BCL7A: variants seen among roughly 807,000 people sequenced by gnomAD.
The protein encoded by BCL7A is BAF chromatin remodeling complex subunit BCL7A.
Under a neutral mutation model 28.4 loss-of-function variants are expected in BCL7A, and 11 were observed. That is an observed-to-expected ratio of 0.39 (90% confidence interval 0.24 to 0.64). BCL7A has a LOEUF of 0.64. Ranked by LOEUF, BCL7A falls within the 30% of genes least tolerant of loss-of-function variation. BCL7A has a pLI of 0.50. For missense variants in BCL7A, 222 were observed against 274.8 expected (o/e 0.81, Z 1.36); for synonymous variants, 123 against 103.3 (o/e 1.19, Z -1.15).
At position 122,037,254 on chromosome 12, in the gene BCL7A, C is replaced by A. The variant is rs80342023; in HGVS notation, c.271+1827C>A. On this transcript the variant is annotated intron_variant, in intron 3 of 5. Transcript: ENST00000261822. ...CTGCTAGGACAAGAGCCTGCAACCC[C>A]TGCCTTTTTCTATCTCTTGACCCCA... 2.8e-4 allele frequency among the ~76,000 whole-genome samples: 42 copies of A among 152,356 alleles called. No homozygotes were observed. In the East Asian group the frequency reaches 8.1e-3, roughly 29 times the overall value.
At chr12:122,049,140 T>C (rs1397243992) in intron 4 of BCL7A, among the ~76,000 whole-genome samples, 1 of 147,058 alleles carries the variant, frequency 6.8e-6, no homozygotes, top group Non-Finnish European at 1.5e-5. Flanking sequence ...GGTAGGAAGA[T>C]TGCTTGAGCC....
At chr12:122,024,237 A>C (rs2135835853) in intron 1 of BCL7A, among the ~76,000 whole-genome samples, 1 of 152,274 alleles carries the variant, frequency 6.6e-6, no homozygotes, top group South Asian at 2.1e-4. Context: ...CTCATGGTCC[A>C]GCTTCCAGTT....
At chr12:122,034,807 G>T (rs1165075255) in intron 2 of BCL7A, among the ~76,000 whole-genome samples, 1 of 151,880 alleles carries the variant, frequency 6.6e-6, no homozygotes, top group Admixed American at 6.6e-5. Flanking sequence ...TTTCTCCCGG[G>T]GTCCTCCCTC....
In BCL7A at chr12:122,060,507, G is replaced by C. The variant is rs375188348; in HGVS notation, c.*1344G>C. ...ACTGAACGGAGACGCCCCCTTGGAC[G>C]AACTGCCTAATCGTTTGGTTCTGAG... On this transcript the variant is annotated 3_prime_UTR_variant, in exon 6 of 6. Transcript: ENST00000261822. The C allele has an allele frequency of 4.3e-6, 1 of 231,410 alleles. No individual in the cohort carries two copies. Among genetic ancestry groups the C allele is most frequent in the Non-Finnish European group, 8.6e-6 (1 of 116,714 alleles). The allele number at this position is 231,410 out of a possible 1,614,324, so 14.3% of individuals were successfully genotyped here.
At chr12:122,023,984 CAG>C (rs1218117114) in intron 1 of BCL7A, among the ~76,000 whole-genome samples, 1 of 152,188 alleles carries the variant, frequency 6.6e-6, no homozygotes, top group Admixed American at 6.5e-5. Flanking sequence ...CCCGGCTGGA[CAG>C]AGGCTCCTGC....
intron 4 of BCL7A, among the ~76,000 whole-genome samples, chr12:122,054,305 T>C (rs528429258): frequency 6.6e-6 from 1 of 152,290 alleles, no homozygotes; most frequent in African/African-American, 2.4e-5. Context: ...GCCAGGATGG[T>C]CTCGATCTCC....
intron 5 of BCL7A, among the ~76,000 whole-genome samples, chr12:122,057,627 C>T (rs1253427444): frequency 1.3e-5 from 2 of 152,042 alleles, no homozygotes; most frequent in Non-Finnish European, 2.9e-5. Context: ...TGGCTGCGGT[C>T]AGGAGTTTGG....
chr12:122,040,957 G>A (rs77066933), intron 3 of BCL7A, among the ~76,000 whole-genome samples: 4 of 152,220 alleles, frequency 2.6e-5, no homozygotes, highest in South Asian at 4.2e-4. Context: ...CCTCTTGCGC[G>A]TGTGCTTGCC....
intron 1 of BCL7A, among the ~76,000 whole-genome samples, chr12:122,029,000 G>A (rs1055189638): frequency 6.6e-6 from 1 of 152,164 alleles, no homozygotes; most frequent in Non-Finnish European, 1.5e-5. Context: ...TTAGACACTC[G>A]TCTTTCCTGC....
intron 3 of BCL7A, among the ~76,000 whole-genome samples, chr12:122,035,666 T>C (rs1405261312): frequency 6.6e-6 from 1 of 152,086 alleles, no homozygotes; most frequent in Non-Finnish European, 1.5e-5. Flanking sequence ...AATTAGACCC[T>C]CTCCTCACCC....
chr12:122,057,732 A>T (rs28710224), intron 5 of BCL7A, among the ~76,000 whole-genome samples: 6,346 of 152,204 alleles, frequency 0.042, 435 homozygotes, highest in African/African-American at 0.14. Flanking sequence ...TTTCATGGGA[A>T]TTCAGTGACA....
intron 4 of BCL7A, 124 bp from the exon 5 acceptor site, chr12:122,054,681 T>G: frequency 6.4e-6 from 6 of 934,872 alleles, no homozygotes; most frequent in African/African-American, 1.6e-5. Flanking sequence ...CCCCAGCTCA[T>G]TGTAGCCTTC....
Position 122,059,033 on chromosome 12 carries a change from TG to T in BCL7A, c.562-57del. The T allele has an allele frequency of 6.8e-7, 1 of 1,462,534 alleles. No homozygotes were observed. The highest frequency in any genetic ancestry group is 9.6e-7 in the Non-Finnish European group (1 of 1,043,254). 90.6% of individuals were successfully genotyped at this position (1,462,534 alleles called of 1,614,324 possible). The stretch of plus-strand genomic sequence containing the variant: ...CTTGGCTGACCTTCGGCCTCACGCC[TG>T]GCCTAACTTGCTCTCCTGGCCCATT... On this transcript the variant is annotated intron_variant, in intron 5 of 5. Transcript: ENST00000261822. The surrounding 1 kb of genome is among the most constrained non-coding windows in gnomAD (Gnocchi z 4.0).
At chr12:122,030,612 G>A in intron 1 of BCL7A, 88 bp from the exon 2 acceptor site, 1 of 1,243,438 alleles carries the variant, frequency 8.0e-7, no homozygotes, top group Non-Finnish European at 1.2e-6. Context: ...GTGTGATCTG[G>A]AGCTTGCTCT....
chr12:122,022,907 G>C (rs1410304100), intron 1 of BCL7A, among the ~76,000 whole-genome samples: 2 of 152,094 alleles, frequency 1.3e-5, no homozygotes, highest in Non-Finnish European at 2.9e-5. Flanking sequence ...GCCCCGGGCG[G>C]GGGGCTCGGG....
chr12:122,060,701 C>T lies in BCL7A; in HGVS notation c.*1538C>T, dbSNP rs149602283. ...GGGCTAATTGGTGCATATTCAGGTA[C>T]CACCTTTGACGTGTGGCTCTTTCTC... On this transcript the variant is annotated 3_prime_UTR_variant, in exon 6 of 6. Coordinates refer to ENST00000261822, the MANE Select transcript of BCL7A (RefSeq NM_001024808.3). 1 of 232,850 alleles carries T rather than the reference C, an allele frequency of 4.3e-6. No homozygotes were observed. Among genetic ancestry groups the T allele is most frequent in the Non-Finnish European group, 8.5e-6 (1 of 117,772 alleles). The allele number at this position is 232,850 out of a possible 1,614,324, so 14.4% of individuals were successfully genotyped here. A position where few individuals can be genotyped will look rare whatever the true frequency, so the allele number is the denominator to read the frequency against.
At chr12:122,041,503 GC>G (rs1395285936) in intron 3 of BCL7A, among the ~76,000 whole-genome samples, 2 of 152,200 alleles carry the variant, frequency 1.3e-5, no homozygotes, top group Non-Finnish European at 2.9e-5. Flanking sequence ...AGTGGCTCAG[GC>G]CTATGATCTC....
Position 122,054,832 on chromosome 12 carries a change from C to G in BCL7A, c.467C>G (p.Ser156Cys), listed in dbSNP as rs770255644. 1.5e-5 allele frequency: 24 copies of G among 1,614,084 alleles called. No homozygotes were observed. Among genetic ancestry groups the G allele is most frequent in the Non-Finnish European group, 2.0e-5 (24 of 1,180,036 alleles). The change falls in exon 5 of 6, where the codon TCC becomes TGC. Residue 156 changes from serine (S) to cysteine (C), a missense_variant. Coordinates refer to ENST00000261822, the MANE Select transcript of BCL7A (RefSeq NM_001024808.3). ...EDASDEQNSQSSMEHSMNSSE... is the reference protein window; with the variant it reads ...EDASDEQNSQCSMEHSMNSSE... Reference sequence around the variant, plus strand: ...GCTTCTGATGAGCAGAATTCACAGTCCTCGATGGAACATTCGATGAACAGC... The same window carrying G: ...GCTTCTGATGAGCAGAATTCACAGTGCTCGATGGAACATTCGATGAACAGC...
intron 2 of BCL7A, among the ~76,000 whole-genome samples, chr12:122,033,976 T>C (rs894893645): frequency 1.9e-4 from 29 of 151,966 alleles, no homozygotes; most frequent in African/African-American, 7.0e-4. Flanking sequence ...ATATCTTTTA[T>C]AAATCTGCCT....
Sources: allele counts gnomAD v4.1 joint callset (sites outside exome capture counted in the v4.1 genomes callset), GRCh38; gene constraint gnomAD v4.1.1; non-coding constraint Gnocchi (gnomAD v3.1); transcripts MANE v1.5; gene names NCBI Gene and HGNC (gene_info 2026-07-23, HGNC 2026-07-21).